Variants in KCNJ6 observed in about 807,000 individuals in gnomAD.
KCNJ6 encodes the protein potassium inwardly rectifying channel subfamily J member 6.
In KCNJ6, 9 loss-of-function variants were observed where a neutral mutation model predicts 34.2. That is an observed-to-expected ratio of 0.26 (90% CI 0.16 to 0.46). The LOEUF is 0.46. Ranked by LOEUF, KCNJ6 falls within the 20% of genes least tolerant of loss-of-function variation. The pLI, the probability that KCNJ6 is intolerant of heterozygous loss-of-function variation, is 1.00. For synonymous variants in KCNJ6, 196 were observed against 207.1 expected (o/e 0.95, Z 0.46); for missense variants, 236 against 531.3 (o/e 0.44, Z 5.46).
intron 2 of KCNJ6, among the ~76,000 whole-genome samples, chr21:37,796,779 CTTTTTTTT>C (rs1172378200): frequency 1.3e-4 from 9 of 71,478 alleles, no homozygotes; most frequent in African/African-American, 4.4e-4. Flanking sequence ...TTCTTTCTTT[CTTTTTTTT>C]TTTTTTTTTT....
intron 1 of KCNJ6, among the ~76,000 whole-genome samples, chr21:37,843,071 C>T (rs1441216942): frequency 6.6e-6 from 1 of 152,130 alleles, no homozygotes; most frequent in South Asian, 2.1e-4. Flanking sequence ...GAGAACCCCC[C>T]AACGCCAAAC....
intron 2 of KCNJ6, among the ~76,000 whole-genome samples, chr21:37,778,305 T>C (rs1329562332): frequency 6.6e-6 from 1 of 152,148 alleles, no homozygotes; most frequent in Non-Finnish European, 1.5e-5. Context: ...AGTGTTTCCA[T>C]AACCTGACTT....
intron 2 of KCNJ6, among the ~76,000 whole-genome samples, chr21:37,821,548 G>GC (rs993730771): frequency 1.1e-4 from 17 of 151,854 alleles, no homozygotes; most frequent in Non-Finnish European, 1.5e-4. Context: ...CCTTTCCCCT[G>GC]CCCCCCCAAC....
At chr21:37,871,919 GAATA>G (rs1359793191) in intron 1 of KCNJ6, among the ~76,000 whole-genome samples, 1 of 152,190 alleles carries the variant, frequency 6.6e-6, no homozygotes, top group Non-Finnish European at 1.5e-5. Context: ...GATGGGTTTA[GAATA>G]AATAACTCAG....
intron 3 of KCNJ6, among the ~76,000 whole-genome samples, chr21:37,690,519 G>A (rs1187035364): frequency 2.6e-5 from 4 of 152,180 alleles, no homozygotes; most frequent in Non-Finnish European, 5.9e-5. Context: ...AAAGGTCTCA[G>A]CTGTGACAGT....
chr21:37,761,653 TTG>T (rs907744394), intron 2 of KCNJ6, among the ~76,000 whole-genome samples: 3 of 150,306 alleles, frequency 2.0e-5, no homozygotes, highest in Admixed American at 6.6e-5. Flanking sequence ...GTGTGTATAT[TTG>T]TGTGTTGTAT....
intron 3 of KCNJ6, among the ~76,000 whole-genome samples, chr21:37,663,914 T>G (rs2054501740): frequency 6.6e-6 from 1 of 152,184 alleles, no homozygotes. Context: ...ACAGCTGGCC[T>G]TGCATTCTTT....
chr21:37,778,470 T>C (rs2055153205), intron 2 of KCNJ6, among the ~76,000 whole-genome samples: 3 of 152,238 alleles, frequency 2.0e-5, no homozygotes. Flanking sequence ...TTTCCAATTT[T>C]ATAGAATGAA....
At chr21:37,790,839 T>G (rs546525430) in intron 2 of KCNJ6, among the ~76,000 whole-genome samples, 1 of 152,344 alleles carries the variant, frequency 6.6e-6, no homozygotes, top group East Asian at 1.9e-4. Context: ...CACAATCACA[T>G]GCCCACCGTC....
At chr21:37,741,207 G>C (rs554298729) in intron 2 of KCNJ6, among the ~76,000 whole-genome samples, 1 of 152,252 alleles carries the variant, frequency 6.6e-6, no homozygotes, top group Non-Finnish European at 1.5e-5. Context: ...TCAAGACAGA[G>C]ATTGTTATCC....
rs1339470992 is a variant in KCNJ6 at position 37,620,726 on chromosome 21, T to C, written c.*4433A>G. 6.6e-6 allele frequency: 1 copy of C among 152,188 alleles called. No homozygotes were observed. Among genetic ancestry groups the C allele is most frequent in the Non-Finnish European group, 1.5e-5 (1 of 68,036 alleles). 9.4% of individuals were successfully genotyped at this position (152,188 alleles called of 1,614,324 possible). On this transcript the variant is annotated 3_prime_UTR_variant, in exon 4 of 4. Coordinates refer to ENST00000609713, the MANE Select transcript of KCNJ6 (RefSeq NM_002240.5). ...GTAAATTATAATACTCAACCTCTCATGGTGAATTAGAATGAAATAAGATAA... is the reference window on the plus strand; with the variant it reads ...GTAAATTATAATACTCAACCTCTCACGGTGAATTAGAATGAAATAAGATAA...
chr21:37,721,845 A>G (rs923094658), intron 2 of KCNJ6, among the ~76,000 whole-genome samples: 2 of 151,856 alleles, frequency 1.3e-5, no homozygotes, highest in Non-Finnish European at 2.9e-5. Flanking sequence ...GTAGAGCAGG[A>G]TGGGTTAGCC....
At position 37,613,332 on chromosome 21, in the gene KCNJ6, G is replaced by A. The variant is rs983810016; in HGVS notation, c.*11827C>T. On this transcript the variant is annotated 3_prime_UTR_variant, in exon 4 of 4. Transcript: ENST00000609713. ...GGAGCAACGGGAACCCTCATTCATC[G>A]CTAGTGGAATGCAAAACAGTACAGC... 6.6e-6 allele frequency: 1 copy of A among 152,192 alleles called. No homozygotes were observed. The highest frequency in any genetic ancestry group is 1.9e-4 in the East Asian group (1 of 5,196). 9.4% of individuals were successfully genotyped at this position (152,192 alleles called of 1,614,324 possible).
At chr21:37,800,402 C>T (rs753069318) in intron 2 of KCNJ6, among the ~76,000 whole-genome samples, 12 of 152,026 alleles carry the variant, frequency 7.9e-5, no homozygotes, top group Non-Finnish European at 1.2e-4. Flanking sequence ...GGACTTTATC[C>T]CAAAAACTGA....
intron 2 of KCNJ6, among the ~76,000 whole-genome samples, chr21:37,752,221 T>C (rs1355012543): frequency 1.3e-5 from 2 of 152,174 alleles, no homozygotes; most frequent in Non-Finnish European, 1.5e-5. Flanking sequence ...CCAGCCATGC[T>C]TTGGAGGGGT....
chr21:37,894,643 G>A (rs8132047), intron 1 of KCNJ6, among the ~76,000 whole-genome samples: 11 of 151,966 alleles, frequency 7.2e-5, no homozygotes, highest in Non-Finnish European at 1.3e-4. Context: ...CAGCCTGGGC[G>A]ACAGTGAGAT....
intron 2 of KCNJ6, among the ~76,000 whole-genome samples, chr21:37,741,424 T>C (rs906633026): frequency 1.3e-5 from 2 of 152,136 alleles, no homozygotes; most frequent in South Asian, 4.1e-4. Context: ...TTAAGATGGG[T>C]TGAGTTGAAA....
chr21:37,699,862 C>T (rs1038732546), intron 3 of KCNJ6, among the ~76,000 whole-genome samples: 2 of 152,120 alleles, frequency 1.3e-5, no homozygotes, highest in Non-Finnish European at 2.9e-5. Context: ...AGAATAGACT[C>T]TTAGTAAAAT....
At chr21:37,720,613 G>A (rs1200774767) in intron 2 of KCNJ6, among the ~76,000 whole-genome samples, 1 of 152,136 alleles carries the variant, frequency 6.6e-6, no homozygotes, top group Non-Finnish European at 1.5e-5. Context: ...TCAGTTGTTT[G>A]GGCAGTGCCC....
Sources: gnomAD v4.1 joint callset for allele counts (sites outside exome capture counted in the v4.1 genomes callset) on GRCh38, gnomAD v4.1.1 for gene constraint, MANE v1.5 for transcripts, NCBI Gene and HGNC (gene_info 2026-07-23, HGNC 2026-07-21) for gene names.